PDZRN3: variants seen among roughly 807,000 people sequenced by gnomAD.
PDZRN3 encodes PDZ domain containing ring finger 3, also known as E3 ubiquitin-protein ligase PDZRN3.
A neutral mutation model predicts 85.7 loss-of-function variants in PDZRN3; 38 were observed. The observed-to-expected ratio is 0.44, with a 90% CI of 0.34 to 0.58. The LOEUF (loss-of-function observed/expected upper bound fraction) is 0.58. Among genes scored for constraint, PDZRN3 ranks in the 20% least tolerant of loss-of-function variants. PDZRN3 has a pLI of 0.01. For synonymous variants in PDZRN3, 759 were observed against 638.0 expected, an observed-to-expected ratio of 1.19 and a Z score of -2.86; for missense variants, 1,629 against 1,506.4, an observed-to-expected ratio of 1.08 and a Z score of -1.35.
At chr3:73,395,363 A>G (rs1311898717) in intron 5 of PDZRN3, among the ~76,000 whole-genome samples, 1 of 152,238 alleles carries the variant, frequency 6.6e-6, no homozygotes, top group Non-Finnish European at 1.5e-5. Flanking sequence ...ACTGGTATGA[A>G]TAATGTAGTA....
At chr3:73,477,970 C>G (rs1339621255) in intron 3 of PDZRN3, among the ~76,000 whole-genome samples, 2 of 152,124 alleles carry the variant, frequency 1.3e-5, no homozygotes, top group East Asian at 1.9e-4. Context: ...TGGGGAAAAC[C>G]TGCCCCCATG....
intron 3 of PDZRN3, among the ~76,000 whole-genome samples, chr3:73,485,185 T>C (rs113824053): frequency 6.6e-6 from 1 of 152,036 alleles, no homozygotes; most frequent in East Asian, 1.9e-4. Flanking sequence ...TGGCAATTAC[T>C]TTTTCACCAA....
At chr3:73,441,750 A>C (rs1052522192) in intron 3 of PDZRN3, among the ~76,000 whole-genome samples, 2 of 152,170 alleles carry the variant, frequency 1.3e-5, no homozygotes, top group Admixed American at 6.5e-5. Context: ...ACAGGCTTTC[A>C]AAACTGGCTT....
intron 3 of PDZRN3, among the ~76,000 whole-genome samples, chr3:73,533,383 T>G (rs1400840327): frequency 6.6e-6 from 1 of 152,154 alleles, no homozygotes; most frequent in East Asian, 1.9e-4. Flanking sequence ...TCTATCCACT[T>G]ACTCAAATCT....
chr3:73,451,058 A>C (rs1461036720), intron 3 of PDZRN3, among the ~76,000 whole-genome samples: 1 of 152,122 alleles, frequency 6.6e-6, no homozygotes, highest in African/African-American at 2.4e-5. Context: ...GGAGGAATCC[A>C]ATAGGATGGC....
At chr3:73,529,621 G>C (rs1471289712) in intron 3 of PDZRN3, among the ~76,000 whole-genome samples, 1 of 152,228 alleles carries the variant, frequency 6.6e-6, no homozygotes, top group East Asian at 1.9e-4. Context: ...GCTGTGGGAG[G>C]GTGGGACAAA....
chr3:73,582,503 TTA>T (rs748759541), intron 3 of PDZRN3, among the ~76,000 whole-genome samples: 6 of 151,432 alleles, frequency 4.0e-5, no homozygotes, highest in Admixed American at 6.6e-5. Context: ...AATGTATATT[TTA>T]TATATATATA....
chr3:73,511,911 G>A (rs184699418), intron 3 of PDZRN3, among the ~76,000 whole-genome samples: 94 of 152,326 alleles, frequency 6.2e-4, no homozygotes, highest in South Asian at 1.5e-3. Flanking sequence ...AGAAACCAGG[G>A]ATGGTGACAA....
intron 3 of PDZRN3, among the ~76,000 whole-genome samples, chr3:73,488,028 C>T (rs1428873938): frequency 6.6e-5 from 10 of 151,622 alleles, no homozygotes; most frequent in Non-Finnish European, 1.2e-4. Flanking sequence ...AAGGTTGCAA[C>T]GGTGGCACTA....
At chr3:73,396,229 A>C (rs551901305) in intron 5 of PDZRN3, among the ~76,000 whole-genome samples, 44 of 152,316 alleles carry the variant, frequency 2.9e-4, no homozygotes, top group Middle Eastern at 3.4e-3. Context: ...CAAACAAAAA[A>C]AAAAGTAAAT....
intron 2 of PDZRN3, among the ~76,000 whole-genome samples, chr3:73,603,691 A>C (rs1378322040): frequency 6.6e-6 from 1 of 152,206 alleles, no homozygotes; most frequent in Non-Finnish European, 1.5e-5. Context: ...TTCAAATAAA[A>C]CATTTTCCAC....
At chr3:73,553,173 A>C (rs1233001656) in intron 3 of PDZRN3, among the ~76,000 whole-genome samples, 1 of 152,216 alleles carries the variant, frequency 6.6e-6, no homozygotes, top group Non-Finnish European at 1.5e-5. Context: ...GTAAAAATGC[A>C]CCAATATGGG....
chr3:73,440,260 A>C (rs950073205), intron 3 of PDZRN3, among the ~76,000 whole-genome samples: 5 of 152,126 alleles, frequency 3.3e-5, no homozygotes, highest in Non-Finnish European at 5.9e-5. Context: ...CCTGCTGGGA[A>C]GGGGAGCAAG....
intron 9 of PDZRN3, among the ~76,000 whole-genome samples, chr3:73,385,166 T>C (rs1040396848): frequency 1.3e-5 from 2 of 152,232 alleles, no homozygotes; most frequent in African/African-American, 2.4e-5. Flanking sequence ...ATGAGGATAA[T>C]AGTCACTTTA....
chr3:73,609,717 A>T (rs1702654255), intron 1 of PDZRN3, among the ~76,000 whole-genome samples: 1 of 152,226 alleles, frequency 6.6e-6, no homozygotes, highest in Non-Finnish European at 1.5e-5. Context: ...GCTTATGACA[A>T]GAGAGATTTT....
intron 3 of PDZRN3, among the ~76,000 whole-genome samples, chr3:73,587,663 ACT>A (rs1408164780): frequency 6.6e-6 from 1 of 152,026 alleles, no homozygotes; most frequent in East Asian, 1.9e-4. Context: ...ATCTCCAAGG[ACT>A]CTTTCTTTCC....
intron 3 of PDZRN3, among the ~76,000 whole-genome samples, chr3:73,548,295 A>C (rs1449495395): frequency 6.6e-6 from 1 of 152,136 alleles, no homozygotes; most frequent in African/African-American, 2.4e-5. Context: ...GTTTCTTGTA[A>C]CCAGCTCCAA....
chr3:73,603,283 T>C (rs984097538), intron 2 of PDZRN3, among the ~76,000 whole-genome samples: 2 of 152,232 alleles, frequency 1.3e-5, no homozygotes, highest in African/African-American at 2.4e-5. Context: ...TGAATCTCTT[T>C]AGATCTTTGA....
intron 5 of PDZRN3, among the ~76,000 whole-genome samples, chr3:73,395,828 A>G (rs1701623926): frequency 6.6e-6 from 1 of 152,236 alleles, no homozygotes; most frequent in African/African-American, 2.4e-5. Context: ...GGTGCCTACT[A>G]TATGCCAGAC....
Sources: gnomAD v4.1 joint callset for allele counts (sites outside exome capture counted in the v4.1 genomes callset) on GRCh38, gnomAD v4.1.1 for gene constraint, MANE v1.5 for transcripts, NCBI Gene and HGNC (gene_info 2026-07-23, HGNC 2026-07-21) for gene names.